The following MALRD1 variants were observed in gnomAD, a reference collection of about 807,000 sequenced individuals.
MALRD1 encodes MAM and LDL-receptor class A domain-containing protein 1.
A neutral mutation model predicts 242.1 loss-of-function variants in MALRD1; 247 were observed. The ratio of observed to expected loss-of-function variants is 1.02; its 90% CI spans 0.92 to 1.13. MALRD1 has a LOEUF of 1.13. Ranked by LOEUF, MALRD1 falls within the 50% of genes most tolerant of loss-of-function variation. The probability of loss-of-function intolerance (pLI) is 0.00; values close to 1 mark genes in which losing one functional copy is unlikely to be tolerated. For synonymous variants in MALRD1, 995 were observed against 866.6 expected (o/e 1.15, Z -2.60); for missense variants, 2,989 against 2,533.1 (o/e 1.18, Z -3.86).
intron 38 of MALRD1, among the ~76,000 whole-genome samples, chr10:19,704,661 A>G (rs190860707): frequency 2.0e-5 from 3 of 152,324 alleles, no homozygotes; most frequent in Non-Finnish European, 2.9e-5. Flanking sequence ...ATTCCCTTCC[A>G]CAAACGTTTA....
chr10:19,625,516 G>A (rs191125273), intron 36 of MALRD1, among the ~76,000 whole-genome samples: 2 of 152,054 alleles, frequency 1.3e-5, no homozygotes, highest in African/African-American at 2.4e-5. Context: ...GCAGTGCAGT[G>A]TACGAAAAAG....
At chr10:19,450,140 A>G (rs1835238419) in intron 28 of MALRD1, among the ~76,000 whole-genome samples, 167 bp from the exon 29 acceptor site, 1 of 152,228 alleles carries the variant, frequency 6.6e-6, no homozygotes, top group Non-Finnish European at 1.5e-5. Context: ...GGGTTTGACA[A>G]GAATGACTCA....
chr10:19,340,944 G>A (rs937752744), intron 24 of MALRD1, among the ~76,000 whole-genome samples: 3 of 152,048 alleles, frequency 2.0e-5, no homozygotes, highest in Non-Finnish European at 2.9e-5. Flanking sequence ...TGATTCATAT[G>A]TGTATTAAAA....
chr10:19,117,162 T>G (rs1006977484), intron 5 of MALRD1, among the ~76,000 whole-genome samples: 1 of 150,950 alleles, frequency 6.6e-6, no homozygotes, highest in African/African-American at 2.4e-5. Flanking sequence ...TTAATATGAG[T>G]ATAAATAACT....
chr10:19,604,377 T>A (rs1360399137), intron 34 of MALRD1, among the ~76,000 whole-genome samples: 1 of 152,170 alleles, frequency 6.6e-6, no homozygotes, highest in Non-Finnish European at 1.5e-5. Flanking sequence ...ATGGGTTCAT[T>A]ATTTGACACA....
intron 23 of MALRD1, among the ~76,000 whole-genome samples, chr10:19,330,918 T>G (rs1843334278): frequency 6.6e-6 from 1 of 151,984 alleles, no homozygotes; most frequent in African/African-American, 2.4e-5. Context: ...ATAGTAGGAA[T>G]GAAGAGATCT....
intron 21 of MALRD1, among the ~76,000 whole-genome samples, chr10:19,313,842 G>A (rs1047211065): frequency 1.3e-5 from 2 of 151,490 alleles, no homozygotes; most frequent in Non-Finnish European, 3.0e-5. Flanking sequence ...CCCCTAATGA[G>A]AATAGTTGGC....
chr10:19,562,522 C>A (rs1205191284), intron 32 of MALRD1, among the ~76,000 whole-genome samples: 1 of 152,090 alleles, frequency 6.6e-6, no homozygotes, highest in Non-Finnish European at 1.5e-5. Flanking sequence ...GGATTTTCTA[C>A]CCTTGTCTTA....
intron 19 of MALRD1, among the ~76,000 whole-genome samples, 157 bp from the exon 20 acceptor site, chr10:19,279,890 A>G (rs551907121): frequency 6.6e-6 from 1 of 152,344 alleles, no homozygotes; most frequent in East Asian, 1.9e-4. Context: ...ACTAAAAACA[A>G]GAACCTCGAT....
intron 26 of MALRD1, among the ~76,000 whole-genome samples, chr10:19,358,195 A>AGTGTGTGT (rs776862926): frequency 0.014 from 1,987 of 145,634 alleles, 46 homozygotes; most frequent in East Asian, 0.083. Flanking sequence ...GCAGGAGTCA[A>AGTGTGTGT]GTGTGTGTGT....
intron 19 of MALRD1, among the ~76,000 whole-genome samples, chr10:19,268,593 G>C (rs533332616): frequency 3.9e-5 from 6 of 152,058 alleles, no homozygotes; most frequent in Non-Finnish European, 8.8e-5. Flanking sequence ...AAACGTATAC[G>C]TTGTTAGCTA....
chr10:19,420,947 AT>A (rs1017206839), intron 28 of MALRD1, among the ~76,000 whole-genome samples: 5 of 152,152 alleles, frequency 3.3e-5, no homozygotes, highest in Non-Finnish European at 5.9e-5. Flanking sequence ...GTTGCCATTC[AT>A]TTTGACTTTG....
chr10:19,669,724 C>T (rs993595519), intron 36 of MALRD1, among the ~76,000 whole-genome samples: 29 of 152,050 alleles, frequency 1.9e-4, no homozygotes, highest in African/African-American at 5.3e-4. Flanking sequence ...ATCCTCATAA[C>T]GCTATTGGCT....
At chr10:19,088,260 A>G in intron 4 of MALRD1, 75 bp downstream of exon 4, 1 of 1,184,290 alleles carries the variant, frequency 8.4e-7, no homozygotes, top group Non-Finnish European at 1.1e-6. Flanking sequence ...GGTGAACTAA[A>G]AGTAAGGCAA....
chr10:19,203,720 T>C lies in MALRD1; in HGVS notation c.1952-8T>C. On this transcript the variant is annotated splice_region_variant and splice_polypyrimidine_tract_variant and intron_variant, in intron 14 of 39. Coordinates refer to ENST00000454679, the MANE Select transcript of MALRD1 (RefSeq NM_001142308.3). Reference sequence around the variant, plus strand: ...AGCCAACATAAGAGCCACATTTTTGTTCTTCAGTTTCCAAGTGTGACTTTG... The same window carrying C: ...AGCCAACATAAGAGCCACATTTTTGCTCTTCAGTTTCCAAGTGTGACTTTG... The C allele has an allele frequency of 6.6e-7, 1 of 1,520,930 alleles. No homozygotes were observed. The highest frequency in any genetic ancestry group is 8.9e-7 in the Non-Finnish European group (1 of 1,129,332). The allele number at this position is 1,520,930 out of a possible 1,614,324, so 94.2% of individuals were successfully genotyped here. A position where few individuals can be genotyped will look rare whatever the true frequency, so the allele number is the denominator to read the frequency against.
chr10:19,554,863 A>G lies in MALRD1; in HGVS notation c.5479-12639A>G, dbSNP rs113617404. ...TGCTACTGTATGCACATATGCATGC[A>G]TGTATCTTTGTAATAGAATGATTTA... On this transcript the variant is annotated intron_variant, in intron 32 of 39. Coordinates refer to ENST00000454679, the MANE Select transcript of MALRD1 (RefSeq NM_001142308.3). Among the ~76,000 whole-genome samples the G allele has an allele frequency of 6.3e-4, 96 of 152,252 alleles. 2 individuals carry two copies. Among genetic ancestry groups the G allele is most frequent in the African/African-American group, 2.2e-3 (92 of 41,550 alleles).
intron 19 of MALRD1, among the ~76,000 whole-genome samples, chr10:19,265,265 G>C (rs1199220064): frequency 1.3e-5 from 2 of 151,606 alleles, no homozygotes; most frequent in Non-Finnish European, 2.9e-5. Flanking sequence ...TTAATTTGGA[G>C]CTTAGTTTGT....
chr10:19,419,502 T>C (rs1470505086), intron 28 of MALRD1, among the ~76,000 whole-genome samples: 2 of 152,108 alleles, frequency 1.3e-5, no homozygotes, highest in Non-Finnish European at 2.9e-5. Flanking sequence ...GGGGTTGCAC[T>C]GTCTCTACTA....
intron 1 of MALRD1, among the ~76,000 whole-genome samples, chr10:19,058,563 A>G (rs555753291): frequency 6.6e-6 from 1 of 152,322 alleles, no homozygotes; most frequent in South Asian, 2.1e-4. Flanking sequence ...TCAGTAAATT[A>G]GAATATATAA....
Sources: gnomAD v4.1 joint callset for allele counts (sites outside exome capture counted in the v4.1 genomes callset) on GRCh38, gnomAD v4.1.1 for gene constraint, MANE v1.5 for transcripts, NCBI Gene and HGNC (gene_info 2026-07-23, HGNC 2026-07-21) for gene names.